Variants in NALF1 observed in about 807,000 individuals in gnomAD.
The protein encoded by NALF1 is NALCN channel auxiliary factor 1.
Under a neutral mutation model 48.4 loss-of-function variants are expected in NALF1, and 3 were observed. The observed-to-expected ratio is 0.06, with a 90% CI of 0.03 to 0.16. The LOEUF (loss-of-function observed/expected upper bound fraction) is 0.16, where lower values mean the gene tolerates loss of function less well. Ranked by LOEUF, NALF1 falls within the 10% of genes least tolerant of loss-of-function variation. The pLI is 1.00. For synonymous variants in NALF1, 262 were observed against 245.7 expected, an observed-to-expected ratio of 1.07 and a Z score of -0.62; for missense variants, 526 against 571.5, an observed-to-expected ratio of 0.92 and a Z score of 0.81.
intron 1 of NALF1, among the ~76,000 whole-genome samples, chr13:107,771,190 T>G (rs924364633): frequency 1.3e-5 from 2 of 152,176 alleles, no homozygotes; most frequent in African/African-American, 4.8e-5. Flanking sequence ...AAATTTTACT[T>G]TCTGGATGTT....
intron 2 of NALF1, among the ~76,000 whole-genome samples, chr13:107,179,358 A>C (rs1331348053): frequency 2.6e-5 from 4 of 152,132 alleles, no homozygotes; most frequent in African/African-American, 9.7e-5. Flanking sequence ...AATGTTTACT[A>C]TAGGCTGGGA....
intron 1 of NALF1, among the ~76,000 whole-genome samples, chr13:107,851,964 GC>G (rs1229269118): frequency 6.6e-6 from 1 of 150,396 alleles, no homozygotes; most frequent in Non-Finnish European, 1.5e-5. Flanking sequence ...ATGCCACCAT[GC>G]CCGGCTATTT....
Position 107,809,060 on chromosome 13 carries a change from C to T in NALF1, c.915+56622G>A, listed in dbSNP as rs115569898. On this transcript the variant is annotated intron_variant, in intron 1 of 2. Coordinates refer to ENST00000375915, the MANE Select transcript of NALF1 (RefSeq NM_001080396.3). ...GAAGAAACAACTCACTCTAGAAATC[C>T]GAGCCACCGGAGTCACTTTGACTCA... is the stretch of plus-strand genomic sequence containing the variant. Among the ~76,000 whole-genome samples the T allele has an allele frequency of 8.6e-3, 1,307 of 152,026 alleles. 17 individuals carry two copies. Among genetic ancestry groups the T allele is most frequent in the African/African-American group, 0.03 (1,236 of 41,478 alleles).
At chr13:107,764,334 G>A (rs11619025) in intron 1 of NALF1, among the ~76,000 whole-genome samples, 9,175 of 152,010 alleles carry the variant, frequency 0.06, 341 homozygotes, top group Non-Finnish European at 0.064. Context: ...GTTTGTATAC[G>A]TGATGTTGCA....
chr13:107,761,886 C>T (rs903838413), intron 1 of NALF1, among the ~76,000 whole-genome samples: 6 of 152,056 alleles, frequency 3.9e-5, no homozygotes, highest in African/African-American at 1.4e-4. Flanking sequence ...GTACCTACTG[C>T]AAAGAGTTAT....
In NALF1 at chr13:107,165,752, T is replaced by C. The variant is rs982467148; in HGVS notation, c.*4745A>G. On this transcript the variant is annotated 3_prime_UTR_variant, in exon 3 of 3. Coordinates refer to ENST00000375915, the MANE Select transcript of NALF1 (RefSeq NM_001080396.3). ...AGTCTTTTTATTCATTGTCACCCAA[T>C]ACCTACCTGCTATATTAGGTTTTTT... 1 of 152,192 alleles carries C rather than the reference T, an allele frequency of 6.6e-6. No individual in the cohort carries two copies. Among genetic ancestry groups the C allele is most frequent in the Non-Finnish European group, 1.5e-5 (1 of 68,022 alleles). 9.4% of individuals were successfully genotyped at this position (152,192 alleles called of 1,614,324 possible).
intron 1 of NALF1, among the ~76,000 whole-genome samples, chr13:107,568,960 T>TA (rs1471814329): frequency 4.6e-5 from 7 of 152,206 alleles, no homozygotes; most frequent in Non-Finnish European, 8.8e-5. Flanking sequence ...AGTTTTCCTC[T>TA]ATGGATTATG....
intron 1 of NALF1, among the ~76,000 whole-genome samples, chr13:107,577,141 C>T (rs540028925): frequency 6.6e-6 from 1 of 152,282 alleles, no homozygotes; most frequent in Non-Finnish European, 1.5e-5. Context: ...TTAGTTCCAT[C>T]TTCTACCATT....
At position 107,866,225 on chromosome 13, in the gene NALF1, G is replaced by C; in HGVS notation, c.372C>G (p.Ser124=). ...GGGGCAGGGTGGGGGACGAGGAGGC[G>C]GAGAGGAGTCTGTGTGCCTGGGCGG... is the stretch of plus-strand genomic sequence containing the variant. The part of the protein sequence containing the change: ...SPAAQAHRLL[S]ASSSPTLPPS... The change falls in exon 1 of 3, where the codon TCC becomes TCG. Residue 124 remains serine, a synonymous_variant. Coordinates refer to ENST00000375915, the MANE Select transcript of NALF1 (RefSeq NM_001080396.3). The surrounding 1 kb of genome is among the most constrained non-coding windows in gnomAD (Gnocchi z 4.4). 6.3e-7 allele frequency: 1 copy of C among 1,595,566 alleles called. No individual in the cohort carries two copies. Among genetic ancestry groups the C allele is most frequent in the Non-Finnish European group, 8.5e-7 (1 of 1,172,110 alleles).
At chr13:107,642,720 GGGAAA>G (rs1262171818) in intron 1 of NALF1, among the ~76,000 whole-genome samples, 2 of 152,130 alleles carry the variant, frequency 1.3e-5, no homozygotes, top group Admixed American at 1.3e-4. Flanking sequence ...GATGATAATG[GGGAAA>G]GGAAAGAGAG....
intron 1 of NALF1, among the ~76,000 whole-genome samples, chr13:107,237,611 G>A (rs2138831852): frequency 6.6e-6 from 1 of 152,208 alleles, no homozygotes; most frequent in Admixed American, 6.5e-5. Context: ...GTCATTAGAT[G>A]TTACACTATA....
At chr13:107,561,760 C>G (rs573333411) in intron 1 of NALF1, among the ~76,000 whole-genome samples, 5 of 152,234 alleles carry the variant, frequency 3.3e-5, no homozygotes, top group Non-Finnish European at 5.9e-5. Context: ...TCCCCACTTC[C>G]TGTGAAGCCT....
At chr13:107,434,277 T>C (rs1210934728) in intron 1 of NALF1, among the ~76,000 whole-genome samples, 1 of 152,192 alleles carries the variant, frequency 6.6e-6, no homozygotes, top group East Asian at 1.9e-4. Context: ...AAGTAGGAAT[T>C]TTATACCAGT....
chr13:107,725,648 G>A (rs1285436289), intron 1 of NALF1, among the ~76,000 whole-genome samples: 1 of 149,300 alleles, frequency 6.7e-6, no homozygotes, highest in Non-Finnish European at 1.5e-5. Flanking sequence ...TCACGCCAGT[G>A]CACTCTAGCT....
intron 1 of NALF1, among the ~76,000 whole-genome samples, chr13:107,711,004 T>C (rs1875574514): frequency 6.6e-6 from 1 of 152,016 alleles, no homozygotes; most frequent in African/African-American, 2.4e-5. Context: ...TGAATCTAGG[T>C]GTTAGCAATC....
chr13:107,863,894 T>C (rs1880642657), intron 1 of NALF1, among the ~76,000 whole-genome samples: 1 of 152,186 alleles, frequency 6.6e-6, no homozygotes, highest in African/African-American at 2.4e-5. Context: ...ATACAGACTG[T>C]CTTTTAAATA....
At chr13:107,851,393 CA>C (rs1255607899) in intron 1 of NALF1, among the ~76,000 whole-genome samples, 1 of 151,620 alleles carries the variant, frequency 6.6e-6, no homozygotes, top group Non-Finnish European at 1.5e-5. Flanking sequence ...ATCCCCACTG[CA>C]AGCTATGGAG....
rs781513603 is a variant in NALF1 at position 107,721,417 on chromosome 13, T to C, written c.915+144265A>G. ...ATATAAGCTGTGCAGGGAGGCAGAG[T>C]CAATACCTACAGATGGATTTTCAAT... is the stretch of plus-strand genomic sequence containing the variant. On this transcript the variant is annotated intron_variant, in intron 1 of 2. Transcript: ENST00000375915. 2.6e-5 allele frequency among the ~76,000 whole-genome samples: 4 copies of C among 152,172 alleles called. No homozygotes were observed. In the South Asian group the frequency reaches 8.3e-4, roughly 32 times the overall value.
intron 1 of NALF1, among the ~76,000 whole-genome samples, chr13:107,224,682 A>G (rs1880065976): frequency 6.6e-6 from 1 of 152,128 alleles, no homozygotes; most frequent in East Asian, 1.9e-4. Context: ...TCAATTGCAA[A>G]TATATCAAGG....
Sources: gnomAD v4.1 joint callset for allele counts (sites outside exome capture counted in the v4.1 genomes callset) on GRCh38, gnomAD v4.1.1 for gene constraint, Gnocchi (gnomAD v3.1) non-coding constraint, MANE v1.5 for transcripts, NCBI Gene and HGNC (gene_info 2026-07-23, HGNC 2026-07-21) for gene names.